Variants in NKTR observed in about 807,000 individuals in gnomAD.
The protein encoded by NKTR is NK-tumor recognition protein.
Under a neutral mutation model 156.3 loss-of-function variants are expected in NKTR, and 67 were observed. The observed-to-expected ratio is 0.43, with a 90% CI of 0.35 to 0.53. NKTR has a LOEUF of 0.53. NKTR is among the 20% of genes least tolerant of loss of function. NKTR has a pLI of 0.01. For synonymous variants in NKTR, 640 were observed against 596.6 expected, an observed-to-expected ratio of 1.07 and a Z score of -1.06; for missense variants, 1,604 against 1,730.9, an observed-to-expected ratio of 0.93 and a Z score of 1.30.
intron 2 of NKTR, among the ~76,000 whole-genome samples, chr3:42,612,708 C>T (rs1314051550): frequency 3.3e-5 from 5 of 152,132 alleles, no homozygotes; most frequent in African/African-American, 1.2e-4. Context: ...TCTTGTTTCA[C>T]AGCCTATTCC....
At chr3:42,613,608 C>T (rs1225517749) in intron 2 of NKTR, among the ~76,000 whole-genome samples, 5 of 152,070 alleles carry the variant, frequency 3.3e-5, no homozygotes, top group African/African-American at 1.2e-4. Flanking sequence ...GCAATTCCAG[C>T]GCAACTATTT....
At chr3:42,632,888 A>G in intron 9 of NKTR, 65 bp downstream of exon 9, 2 of 1,370,816 alleles carry the variant, frequency 1.5e-6, no homozygotes, top group Admixed American at 6.6e-5. Context: ...AAAAGTATGT[A>G]TAATTCTATA....
At position 42,620,624 on chromosome 3, in the gene NKTR, A is replaced by G. The variant is rs1027429712; in HGVS notation, c.287-805A>G. 15 of 982,858 alleles carry G rather than the reference A, an allele frequency of 1.5e-5. No individual in the cohort carries two copies. In the African/African-American group the frequency reaches 1.9e-4, roughly 13 times the overall value. The allele number at this position is 982,858 out of a possible 1,614,324, so 60.9% of individuals were successfully genotyped here. On this transcript the variant is annotated intron_variant, in intron 5 of 16. Transcript: ENST00000232978. ...TTTGTTCTGAAGAAGATTTGTTTGT[A>G]TGAATGTTAAAAGGACATATAAGTT...
At chr3:42,606,989 A>G (rs1469540409) in intron 2 of NKTR, among the ~76,000 whole-genome samples, 7 of 152,142 alleles carry the variant, frequency 4.6e-5, no homozygotes, top group Non-Finnish European at 8.8e-5. Context: ...CTCCCACCTC[A>G]GCCTTCTGAT....
intron 7 of NKTR, 72 bp from the exon 8 acceptor site, chr3:42,631,099 A>T: frequency 1.3e-6 from 2 of 1,572,026 alleles, no homozygotes. Context: ...CATTGATTAC[A>T]GTTAATTGTC....
intron 11 of NKTR, 112 bp from the exon 12 acceptor site, chr3:42,635,109 A>G (rs1559580470): frequency 2.7e-6 from 2 of 750,584 alleles, no homozygotes; most frequent in Non-Finnish European, 4.1e-6. Flanking sequence ...GGTAACTTCA[A>G]TCATTACCTT....
intron 2 of NKTR, among the ~76,000 whole-genome samples, chr3:42,608,439 G>A (rs115430887): frequency 0.013 from 1,904 of 152,272 alleles, 51 homozygotes; most frequent in African/African-American, 0.043. Context: ...AAACAGAAGA[G>A]ATGCCTAGGG....
At position 42,637,012 on chromosome 3, in the gene NKTR, T is replaced by G; in HGVS notation, c.1308T>G (p.Val436=). The G allele has an allele frequency of 6.2e-7, 1 of 1,612,778 alleles. No homozygotes were observed. Among genetic ancestry groups the G allele is most frequent in the Non-Finnish European group, 8.5e-7 (1 of 1,179,696 alleles). The change falls in exon 13 of 17, where the codon GTT becomes GTG. Residue 436 remains valine, a synonymous_variant. Transcript: ENST00000232978. Reference sequence around the variant, plus strand: ...AAAAACGCAGAAAAGAAAAAAAGGTTAAGCATAAAAAGAAAGGGAAAAAGC... The same window carrying G: ...AAAAACGCAGAAAAGAAAAAAAGGTGAAGCATAAAAAGAAAGGGAAAAAGC... ...HHKKRRKEKK[V]KHKKKGKKQK...
chr3:42,632,830 G>A lies in NKTR; in HGVS notation c.773+7G>A, dbSNP rs773621117. The A allele has an allele frequency of 2.6e-6, 4 of 1,565,804 alleles. No individual in the cohort carries two copies. In the Admixed American group the frequency reaches 5.8e-5, roughly 23 times the overall value. ...ATGCAATGAACCCAAAAGGGTACGT[G>A]TAAAACACCAATGTACTCTTACCTA... On this transcript the variant is annotated splice_region_variant and intron_variant, in intron 9 of 16. Transcript: ENST00000232978.
At chr3:42,600,824 G>A (rs1489572613) in intron 1 of NKTR, 46 bp downstream of exon 1, 1 of 417,198 alleles carries the variant, frequency 2.4e-6, no homozygotes, top group East Asian at 3.8e-5. Flanking sequence ...GGAGCCGCGA[G>A]GCCCGGGGCG....
chr3:42,603,377 A>C (rs1456358369), intron 2 of NKTR, among the ~76,000 whole-genome samples: 2 of 141,994 alleles, frequency 1.4e-5, no homozygotes, highest in Non-Finnish European at 3.1e-5. Flanking sequence ...AAAAAAAAAA[A>C]AAAAAAAACA....
intron 12 of NKTR, among the ~76,000 whole-genome samples, chr3:42,635,708 A>C (rs1559581593): frequency 6.6e-6 from 1 of 151,652 alleles, no homozygotes; most frequent in African/African-American, 2.4e-5. Flanking sequence ...TCACGAGGTC[A>C]GGAGATTGGG....
At position 42,648,597 on chromosome 3, in the gene NKTR, C is replaced by T. The variant is rs185054037; in HGVS notation, c.*2622C>T. ...TGTTTTTGTAACATCCTGTTTATTG[C>T]AAATAGCTAGTATCGTTCAAAAACT... On this transcript the variant is annotated 3_prime_UTR_variant, in exon 17 of 17. Coordinates refer to ENST00000232978, the MANE Select transcript of NKTR (RefSeq NM_005385.4). 6.5e-6 allele frequency: 1 copy of T among 152,688 alleles called. No individual in the cohort carries two copies. Among genetic ancestry groups the T allele is most frequent in the East Asian group, 1.9e-4 (1 of 5,186 alleles). 9.5% of individuals were successfully genotyped at this position (152,688 alleles called of 1,614,324 possible).
At chr3:42,619,305 G>C (rs370266532) in intron 4 of NKTR, 178 bp downstream of exon 4, 1 of 1,386,096 alleles carries the variant, frequency 7.2e-7, no homozygotes, top group Non-Finnish European at 9.3e-7. Context: ...AAAGTACCAC[G>C]TAAGACATTT....
At chr3:42,602,196 T>G (rs769919938) in intron 2 of NKTR, 1 of 152,236 alleles carries the variant, frequency 6.6e-6, no homozygotes, top group Non-Finnish European at 1.5e-5. Flanking sequence ...TTTTTAATGT[T>G]TAGCTGTGTT....
intron 6 of NKTR, chr3:42,627,973 G>GATATT (rs1708552876): frequency 1.0e-6 from 1 of 985,180 alleles, no homozygotes; most frequent in Non-Finnish European, 1.2e-6. Context: ...CTGGATTGTG[G>GATATT]ATATTATTTC....
intron 2 of NKTR, 88 bp downstream of exon 2, chr3:42,601,152 T>G (rs1214097681): frequency 8.8e-7 from 1 of 1,140,110 alleles, no homozygotes; most frequent in Non-Finnish European, 1.2e-6. Context: ...TCCCCCGGCC[T>G]TTTTGGGAGC....
chr3:42,642,578 G>A lies in NKTR; in HGVS notation c.4124G>A (p.Arg1375Gln), dbSNP rs560568985. The change falls in exon 14 of 17, where the codon CGG (arginine) becomes CAG (glutamine). Residue 1375 changes from arginine to glutamine, a missense_variant. Around this residue, in one of 6 missense-constraint regions of NKTR, gnomAD observed 193 missense variants for 220.2 expected, o/e 0.88. Coordinates refer to ENST00000232978, the MANE Select transcript of NKTR (RefSeq NM_005385.4). ...GRTRSRSSSY[R>Q]SYKSHRTSSR... ...ACCAGAAGCCGGAGCAGTTCCTACC[G>A]GAGTTACAAAAGTCACAGGTGAGCT... 6.5e-5 allele frequency: 105 copies of A among 1,613,944 alleles called. No homozygotes were observed. The highest frequency in any genetic ancestry group is 1.6e-4 in the East Asian group (7 of 44,888).
At position 42,639,068 on chromosome 3, in the gene NKTR, G is replaced by A. The variant is rs201569917; in HGVS notation, c.3364G>A (p.Val1122Met). 21 of 1,614,058 alleles carry A rather than the reference G, an allele frequency of 1.3e-5. No individual in the cohort carries two copies. Among genetic ancestry groups the A allele is most frequent in the Non-Finnish European group, 1.7e-5 (20 of 1,179,980 alleles). The part of the protein sequence containing the change: ...EESVPNGVED[V>M]LQTDDNMEIC... ...AAGTGTTCCCAATGGAGTGGAAGATGTGCTTCAAACAGATGACAACATGGA... is the reference window on the plus strand; with the variant it reads ...AAGTGTTCCCAATGGAGTGGAAGATATGCTTCAAACAGATGACAACATGGA... Residue 1122 changes from valine to methionine, a missense_variant, in exon 13 of 17, where the codon GTG becomes ATG. By Grantham distance (21) the Val-to-Met change is conservative (BLOSUM62 1). This residue lies in a region of NKTR where 1,255 missense variants were observed against 1,243.7 expected (regional missense o/e 1.01). Coordinates refer to ENST00000232978, the MANE Select transcript of NKTR (RefSeq NM_005385.4).
Sources: gnomAD v4.1 joint callset for allele counts (sites outside exome capture counted in the v4.1 genomes callset) on GRCh38, gnomAD v4.1.1 for gene constraint, gnomAD v4.1.1 regional missense constraint, MANE v1.5 for transcripts, NCBI Gene and HGNC (gene_info 2026-07-23, HGNC 2026-07-21) for gene names.